CLTCL1: variants seen among roughly 807,000 people sequenced by gnomAD.
CLTCL1 encodes the protein clathrin heavy chain like 1, also known as clathrin heavy chain 2.
A neutral mutation model predicts 190.0 loss-of-function variants in CLTCL1; 159 were observed. The ratio of observed to expected loss-of-function variants is 0.84; its 90% CI spans 0.74 to 0.95. The LOEUF (loss-of-function observed/expected upper bound fraction) is 0.95, where lower values mean the gene tolerates loss of function less well. Among genes scored for constraint, CLTCL1 ranks in the 40% least tolerant of loss-of-function variants. CLTCL1 has a pLI of 0.00. For synonymous variants in CLTCL1, 752 were observed against 769.6 expected, an observed-to-expected ratio of 0.98 and a Z score of 0.38; for missense variants, 1,878 against 2,033.4, an observed-to-expected ratio of 0.92 and a Z score of 1.47.
At chr22:19,271,943 C>A (rs1471198348) in intron 2 of CLTCL1, among the ~76,000 whole-genome samples, 1 of 152,094 alleles carries the variant, frequency 6.6e-6, no homozygotes, top group Non-Finnish European at 1.5e-5. Context: ...ACCATCTCTA[C>A]AAAAAATGTT....
At position 19,223,941 on chromosome 22, in the gene CLTCL1, A is replaced by T. The variant is rs2085656525; in HGVS notation, c.2242T>A (p.Cys748Ser). The T allele has an allele frequency of 6.2e-7, 1 of 1,613,856 alleles. No individual in the cohort carries two copies. The highest frequency in any genetic ancestry group is 8.5e-7 in the Non-Finnish European group (1 of 1,179,898). ...GGGTTGTAGCAGCTGCTCTCTCGGC[A>T]TATCCTCTCCACCTCCTTGATCTGC... Reference protein sequence around the residue: ...TGQIKEVERICRESSCYNPER... With the variant: ...TGQIKEVERISRESSCYNPER... The change falls in exon 14 of 33, where the codon TGC (cysteine) becomes AGC (serine). Residue 748 changes from cysteine to serine, a missense_variant. By Grantham distance (112) the Cys-to-Ser change is moderately radical (BLOSUM62 -1). Transcript: ENST00000427926.
chr22:19,215,154 G>C (rs2085344261), intron 19 of CLTCL1, among the ~76,000 whole-genome samples: 1 of 152,166 alleles, frequency 6.6e-6, no homozygotes, highest in African/African-American at 2.4e-5. Context: ...ACAGAATATC[G>C]TAGCCACCTC....
intron 7 of CLTCL1, among the ~76,000 whole-genome samples, chr22:19,234,029 TTATC>T (rs1309694248): frequency 1.3e-5 from 2 of 152,230 alleles, no homozygotes; most frequent in Non-Finnish European, 2.9e-5. Flanking sequence ...TTGAAAGTCT[TTATC>T]TACTCAGGAA....
chr22:19,183,931 GT>G, intron 29 of CLTCL1: 1 of 416,694 alleles, frequency 2.4e-6, no homozygotes. Context: ...TTTGGGGGTT[GT>G]GGGGCTGCTG....
At chr22:19,278,342 G>A (rs576628401) in intron 1 of CLTCL1, among the ~76,000 whole-genome samples, 80 of 152,122 alleles carry the variant, frequency 5.3e-4, no homozygotes, top group African/African-American at 1.9e-3. Flanking sequence ...TGTGGCAGGC[G>A]AAGTCATGAA....
intron 3 of CLTCL1, among the ~76,000 whole-genome samples, chr22:19,247,672 C>T (rs886654029): frequency 5.3e-5 from 8 of 151,748 alleles, no homozygotes; most frequent in African/African-American, 1.5e-4. Context: ...GCGATTCTCC[C>T]GCCTCAGCCT....
chr22:19,268,570 A>G (rs1555978971), intron 2 of CLTCL1, among the ~76,000 whole-genome samples: 1 of 152,184 alleles, frequency 6.6e-6, no homozygotes, highest in African/African-American at 2.4e-5. Context: ...AAATATATAT[A>G]AATGGTTAAT....
At position 19,275,664 on chromosome 22, in the gene CLTCL1, C is replaced by T. The variant is rs1555982814; in HGVS notation, c.209G>A (p.Ser70Asn). ...CTTAGAGGCTGGATTCATGATGGCA[C>T]TCTCTGCAGAGATAGGCCGTCGGAT... is the stretch of plus-strand genomic sequence containing the variant. The part of the protein sequence containing the change: ...APIRRPISAE[S>N]AIMNPASKVI... Residue 70 changes from serine (S) to asparagine (N), a missense_variant, in exon 2 of 33, where the codon AGT (serine) becomes AAT (asparagine). Coordinates refer to ENST00000427926, the MANE Select transcript of CLTCL1 (RefSeq NM_007098.4). 1.2e-6 allele frequency: 2 copies of T among 1,606,886 alleles called. No homozygotes were observed. The highest frequency in any genetic ancestry group is 1.3e-5 in the African/African-American group (1 of 74,860).
intron 30 of CLTCL1, chr22:19,181,151 G>C (rs1480494280): frequency 2.0e-5 from 6 of 295,374 alleles, no homozygotes; most frequent in Admixed American, 4.6e-5. Flanking sequence ...GCCACTTACC[G>C]ACCTGCAGGG....
At position 19,291,671 on chromosome 22, in the gene CLTCL1, G is replaced by GGCT. The variant is rs1347824495; in HGVS notation, c.-31_-30insAGC. On this transcript the variant is annotated 5_prime_UTR_variant, in exon 1 of 33. Transcript: ENST00000427926. ...GGTGCGGGACCTCGGCGGCGGCGGC[G>GGCT]GCAGCGGCAGGAATGAACGCCGACC... 3.0e-5 allele frequency: 40 copies of GGCT among 1,351,744 alleles called. No individual in the cohort carries two copies. The highest frequency in any genetic ancestry group is 3.8e-5 in the Non-Finnish European group (39 of 1,039,782). 83.7% of individuals were successfully genotyped at this position (1,351,744 alleles called of 1,614,324 possible).
At chr22:19,238,961 T>C (rs1334341214) in intron 5 of CLTCL1, among the ~76,000 whole-genome samples, 1 of 152,226 alleles carries the variant, frequency 6.6e-6, no homozygotes, top group Non-Finnish European at 1.5e-5. Context: ...ATTAGGTATT[T>C]TATTCTTTAA....
In CLTCL1 at chr22:19,196,507, G is replaced by A. The variant is rs2084711256; in HGVS notation, c.4023C>T (p.Ser1341=). ...ACGGTACCTTTGGGATGTTGACACG[G>A]GACCAGAAAAGCTCCAGATGCTCCA... ...KMLEHLELFW[S]RVNIPKVLRA... The change falls in exon 25 of 33, where the codon TCC becomes TCT. Residue 1341 remains serine, a synonymous_variant. Coordinates refer to ENST00000427926, the MANE Select transcript of CLTCL1 (RefSeq NM_007098.4). 6.2e-7 allele frequency: 1 copy of A among 1,613,970 alleles called. No homozygotes were observed. The highest frequency in any genetic ancestry group is 8.5e-7 in the Non-Finnish European group (1 of 1,179,918).
chr22:19,223,858 C>T (rs782601121), intron 14 of CLTCL1, 33 bp downstream of exon 14: 1 of 1,611,130 alleles, frequency 6.2e-7, no homozygotes, highest in Non-Finnish European at 8.5e-7. Context: ...TCAGCAAGGG[C>T]AGCTCATGGA....
At chr22:19,282,083 C>CGTGATTATAGCG (rs1569258755) in intron 1 of CLTCL1, among the ~76,000 whole-genome samples, 1 of 152,080 alleles carries the variant, frequency 6.6e-6, no homozygotes, top group Non-Finnish European at 1.5e-5. Context: ...ATAATCCTAG[C>CGTGATTATAGCG]ACTTTGGGAG....
In CLTCL1 at chr22:19,233,478, G is replaced by T; in HGVS notation, c.1312C>A (p.Leu438Met). 6.2e-7 allele frequency: 1 copy of T among 1,613,906 alleles called. No homozygotes were observed. ...NKLESLELCHLVLQQGRKQLL... is the reference protein window; with the variant it reads ...NKLESLELCHMVLQQGRKQLL... ...TGCTTACGCCCCTGCTGAAGAACCA[G>T]ATGGCAAAGTTCTAAGGATTCAAGT... Residue 438 changes from leucine to methionine, a missense_variant, in exon 8 of 33, where the codon CTG (leucine) becomes ATG (methionine). Transcript: ENST00000427926.
At chr22:19,184,952 C>T (rs2084263748) in intron 29 of CLTCL1, 2 of 180,858 alleles carry the variant, frequency 1.1e-5, no homozygotes, top group South Asian at 2.3e-4. Context: ...CCGCAGGCCC[C>T]TGCTCTTCAC....
chr22:19,226,132 A>T, intron 12 of CLTCL1, 87 bp downstream of exon 12: 1 of 1,441,050 alleles, frequency 6.9e-7, no homozygotes, highest in African/African-American at 1.4e-5. Flanking sequence ...ACAGTTCCAC[A>T]ATCACCAACA....
At chr22:19,248,051 C>T (rs575419747) in intron 3 of CLTCL1, among the ~76,000 whole-genome samples, 38 of 151,428 alleles carry the variant, frequency 2.5e-4, no homozygotes, top group Non-Finnish European at 4.7e-4. Flanking sequence ...AATCCCAGCA[C>T]TTTGGGAGGC....
intron 1 of CLTCL1, among the ~76,000 whole-genome samples, chr22:19,284,882 G>A (rs2087849181): frequency 6.6e-6 from 1 of 152,196 alleles, no homozygotes; most frequent in African/African-American, 2.4e-5. Flanking sequence ...TTGAACCGGG[G>A]AGGCAGAGGC....
Sources: allele counts gnomAD v4.1 joint callset (sites outside exome capture counted in the v4.1 genomes callset), GRCh38; gene constraint gnomAD v4.1.1; transcripts MANE v1.5; gene names NCBI Gene and HGNC (gene_info 2026-07-23, HGNC 2026-07-21).